The following PHACTR1 variants were observed in gnomAD, a reference collection of about 807,000 sequenced individuals.
PHACTR1 encodes the protein RPEL repeat containing 1.
Under a neutral mutation model 69.2 loss-of-function variants are expected in PHACTR1, and 16 were observed. The observed-to-expected ratio is 0.23, with a 90% CI of 0.16 to 0.35. PHACTR1 has a LOEUF of 0.35. Ranked by LOEUF, PHACTR1 falls within the 10% of genes least tolerant of loss-of-function variation. The pLI is 1.00. For missense variants in PHACTR1, 510 were observed against 734.7 expected (o/e 0.69, Z 3.54); for synonymous variants, 312 against 284.5 (o/e 1.10, Z -0.97).
intron 10 of PHACTR1, among the ~76,000 whole-genome samples, chr6:13,258,796 G>A (rs1775533991): frequency 6.6e-6 from 1 of 152,210 alleles, no homozygotes; most frequent in Non-Finnish European, 1.5e-5. Flanking sequence ...AAGGAGCAGG[G>A]AAAAGCAAAG....
intron 4 of PHACTR1, among the ~76,000 whole-genome samples, chr6:12,962,336 C>T (rs1792859436): frequency 6.6e-6 from 1 of 152,146 alleles, no homozygotes; most frequent in Non-Finnish European, 1.5e-5. Flanking sequence ...GAGTCACATT[C>T]TGAGGTCACA....
At chr6:12,779,293 C>T (rs976219992) in intron 4 of PHACTR1, among the ~76,000 whole-genome samples, 4 of 152,130 alleles carry the variant, frequency 2.6e-5, no homozygotes, top group Admixed American at 2.6e-4. Context: ...TGAGATCGCG[C>T]CATTGCACTC....
At position 12,828,470 on chromosome 6, in the gene PHACTR1, A is replaced by G. The variant is rs141070618; in HGVS notation, c.250+78680A>G. Among the ~76,000 whole-genome samples the G allele has an allele frequency of 4.2e-3, 634 of 152,248 alleles. 2 individuals carry two copies. The highest frequency in any genetic ancestry group is 7.3e-3 in the Non-Finnish European group (496 of 68,016). On this transcript the variant is annotated intron_variant, in intron 4 of 14. Transcript: ENST00000332995. ...CAGAAGTAGATATCAAGTATACTCTATGGTGGAATTTCTATTCTTTTTGTT... is the reference window on the plus strand; with the variant it reads ...CAGAAGTAGATATCAAGTATACTCTGTGGTGGAATTTCTATTCTTTTTGTT...
chr6:13,139,053 A>G (rs1186392207), intron 5 of PHACTR1, among the ~76,000 whole-genome samples: 4 of 151,838 alleles, frequency 2.6e-5, no homozygotes, highest in Non-Finnish European at 5.9e-5. Context: ...TTTACATGAA[A>G]GCCACAGTTT....
rs1409631924 is a variant in PHACTR1, at chr6:13,032,783, A to T, written c.251-20582A>T. ...AACCACCATGCCCTGCCTAATTTTTATTTTTTATAGAGACAGGGTCTCACC... is the reference window on the plus strand; with the variant it reads ...AACCACCATGCCCTGCCTAATTTTTTTTTTTTATAGAGACAGGGTCTCACC... On this transcript the variant is annotated intron_variant, in intron 4 of 14. Transcript: ENST00000332995. Among the ~76,000 whole-genome samples the T allele has an allele frequency of 2.0e-5, 3 of 151,856 alleles. No individual in the cohort carries two copies. The East Asian group carries it at 5.8e-4, about 29-fold the overall frequency.
intron 4 of PHACTR1, chr6:12,957,180 A>T (rs66820937): frequency 0.16 from 31,166 of 193,896 alleles, 3,008 homozygotes; most frequent in African/African-American, 0.26. Context: ...AACTGCCCTG[A>T]GTCAGGTGAC....
At chr6:12,960,650 C>T (rs910738785) in intron 4 of PHACTR1, among the ~76,000 whole-genome samples, 1 of 152,182 alleles carries the variant, frequency 6.6e-6, no homozygotes, top group Non-Finnish European at 1.5e-5. Flanking sequence ...CCCCAAACAC[C>T]TTCTAATGGA....
At chr6:12,951,645 C>G (rs192073754) in intron 4 of PHACTR1, among the ~76,000 whole-genome samples, 12 of 152,274 alleles carry the variant, frequency 7.9e-5, no homozygotes, top group Admixed American at 2.6e-4. Flanking sequence ...CTTCCTGGAT[C>G]AAGTCCCTGA....
At chr6:12,813,144 C>T (rs1296591157) in intron 4 of PHACTR1, among the ~76,000 whole-genome samples, 1 of 152,102 alleles carries the variant, frequency 6.6e-6, no homozygotes, top group Non-Finnish European at 1.5e-5. Flanking sequence ...GAGAAAAAAA[C>T]AGACAGGAAG....
chr6:12,938,287 A>T (rs1437183201), intron 4 of PHACTR1, among the ~76,000 whole-genome samples: 1 of 152,200 alleles, frequency 6.6e-6, no homozygotes, highest in Non-Finnish European at 1.5e-5. Flanking sequence ...TTACACAGAT[A>T]GTGCATAGTG....
chr6:13,034,363 C>T (rs1056103764), intron 4 of PHACTR1, among the ~76,000 whole-genome samples: 3 of 152,188 alleles, frequency 2.0e-5, no homozygotes, highest in Admixed American at 6.5e-5. Context: ...AGAGCAGATG[C>T]TCAATAAATG....
chr6:13,196,751 G>A (rs984410088), intron 7 of PHACTR1, among the ~76,000 whole-genome samples: 2 of 152,130 alleles, frequency 1.3e-5, no homozygotes, highest in African/African-American at 2.4e-5. Context: ...GATGTAGTGC[G>A]GTGTGCATCA....
intron 4 of PHACTR1, among the ~76,000 whole-genome samples, chr6:12,842,763 C>A (rs1778826624): frequency 6.6e-6 from 1 of 151,994 alleles, no homozygotes; most frequent in Non-Finnish European, 1.5e-5. Flanking sequence ...CAAGGCTGGT[C>A]TCAAACTCTT....
At chr6:12,726,326 A>C (rs948030459) in intron 3 of PHACTR1, among the ~76,000 whole-genome samples, 1 of 152,112 alleles carries the variant, frequency 6.6e-6, no homozygotes, top group African/African-American at 2.4e-5. Flanking sequence ...CAAACACCCA[A>C]CTCTTACTAC....
At chr6:12,988,949 G>T (rs1796502084) in intron 4 of PHACTR1, among the ~76,000 whole-genome samples, 1 of 152,206 alleles carries the variant, frequency 6.6e-6, no homozygotes, top group South Asian at 2.1e-4. Flanking sequence ...ATACATTTTT[G>T]AACTTGGCAG....
intron 10 of PHACTR1, among the ~76,000 whole-genome samples, chr6:13,250,725 A>G (rs1464358605): frequency 6.6e-6 from 1 of 152,226 alleles, no homozygotes; most frequent in Non-Finnish European, 1.5e-5. Flanking sequence ...TCCTGCAGGA[A>G]AAGGTGGGGG....
At position 13,062,719 on chromosome 6, in the gene PHACTR1, C is replaced by T. The variant is rs150817946; in HGVS notation, c.415+9190C>T. Among the ~76,000 whole-genome samples the T allele has an allele frequency of 5.4e-3, 822 of 152,264 alleles. 4 individuals carry two copies. The highest frequency in any genetic ancestry group is 0.021 in the South Asian group (101 of 4,824). ...CCGTGTCATTGACAGAGTACATTTG[C>T]AATTCTTGGAGTAGAGAAATAAACC... On this transcript the variant is annotated intron_variant, in intron 5 of 14. Transcript: ENST00000332995.
chr6:12,819,434 A>AT (rs1215429536), intron 4 of PHACTR1, among the ~76,000 whole-genome samples: 1 of 152,130 alleles, frequency 6.6e-6, no homozygotes, highest in Non-Finnish European at 1.5e-5. Context: ...ACCACACAGG[A>AT]TGTTTATTTG....
Position 12,856,251 on chromosome 6 carries a change from C to CTTTTTTTT in PHACTR1, c.250+106464_250+106465insTTTTTTTT, listed in dbSNP as rs201867496. Among the ~76,000 whole-genome samples, 703 of 95,084 alleles carry CTTTTTTTT rather than the reference C, an allele frequency of 7.4e-3. 11 individuals carry two copies. Among genetic ancestry groups the CTTTTTTTT allele is most frequent in the African/African-American group, 0.02 (649 of 33,048 alleles). 62.4% of individuals were successfully genotyped at this position (95,084 alleles called of 152,430 possible). Reference sequence around the variant, plus strand: ...TTCTTTTCTTTTTCTTTCTTTCTTTCTTTCTTTTTTTTTTTTTCTGAGACA... The same window carrying CTTTTTTTT: ...TTCTTTTCTTTTTCTTTCTTTCTTTCTTTTTTTTTTTCTTTTTTTTTTTTTCTGAGACA... On this transcript the variant is annotated intron_variant, in intron 4 of 14. Transcript: ENST00000332995.
Sources: gnomAD v4.1 joint callset for allele counts (sites outside exome capture counted in the v4.1 genomes callset) on GRCh38, gnomAD v4.1.1 for gene constraint, MANE v1.5 for transcripts, NCBI Gene and HGNC (gene_info 2026-07-23, HGNC 2026-07-21) for gene names.